Variants in KIFC3 observed in about 807,000 individuals in gnomAD.
KIFC3 encodes the protein kinesin family member C3.
KIFC3 carries 60 observed loss-of-function variants against 101.8 expected under a neutral mutation model. The ratio of observed to expected loss-of-function variants is 0.59; its 90% CI spans 0.48 to 0.73. The LOEUF is 0.73. KIFC3 is among the 30% of genes least tolerant of loss of function. KIFC3 has a pLI of 0.00. For missense variants in KIFC3, 966 were observed against 1,137.1 expected (o/e 0.85, Z 2.16); for synonymous variants, 476 against 482.7 (o/e 0.99, Z 0.18).
At chr16:57,761,324 C>T (rs139562894) in intron 14 of KIFC3, 89 bp downstream of exon 14, 9 of 1,579,140 alleles carry the variant, frequency 5.7e-6, no homozygotes, top group Middle Eastern at 1.7e-4. Flanking sequence ...CCCAAGGGTG[C>T]GTGCTTAGGA....
At chr16:57,785,490 C>T (rs1555617144) in intron 3 of KIFC3, 2 of 1,288,184 alleles carry the variant, frequency 1.6e-6, no homozygotes, top group Non-Finnish European at 2.0e-6. Context: ...GTGGACGTGG[C>T]CTGCTGGTCA....
chr16:57,787,684 C>T (rs566852112), intron 3 of KIFC3, among the ~76,000 whole-genome samples: 4 of 152,244 alleles, frequency 2.6e-5, no homozygotes, highest in African/African-American at 7.2e-5. Context: ...CTCTTCTCAG[C>T]GCACAATCAG....
chr16:57,861,862 T>C (rs1269401018), intron 1 of KIFC3, among the ~76,000 whole-genome samples: 1 of 152,144 alleles, frequency 6.6e-6, no homozygotes, highest in African/African-American at 2.4e-5. Flanking sequence ...GGCACGAGAA[T>C]CACTTGAACC....
At chr16:57,781,854 C>T (rs2052773205) in intron 3 of KIFC3, 1 of 854,024 alleles carries the variant, frequency 1.2e-6, no homozygotes, top group African/African-American at 1.8e-5. Flanking sequence ...GTCACCTGAC[C>T]AGTAAGTGGT....
chr16:57,840,599 A>C (rs545803313), intron 1 of KIFC3, among the ~76,000 whole-genome samples: 1 of 152,048 alleles, frequency 6.6e-6, no homozygotes, highest in African/African-American at 2.4e-5. Context: ...CGTCTCTACT[A>C]AAAATACAAA....
chr16:57,845,731 T>G (rs877581), intron 1 of KIFC3, among the ~76,000 whole-genome samples: 35,004 of 152,168 alleles, frequency 0.23, 4,396 homozygotes, highest in South Asian at 0.33. Context: ...CTTACTCTGC[T>G]GTTGGATTGG....
intron 3 of KIFC3, chr16:57,785,771 A>G (rs1358902363): frequency 1.6e-6 from 1 of 627,968 alleles, no homozygotes; most frequent in Non-Finnish European, 2.2e-6. Flanking sequence ...TAGAGGTGCA[A>G]GCAGAGGGGG....
In KIFC3 at chr16:57,858,763, A is replaced by T. The variant is rs1482978453; in HGVS notation, c.108+3966T>A. 3.9e-5 allele frequency among the ~76,000 whole-genome samples: 6 copies of T among 152,150 alleles called. No individual in the cohort carries two copies. The South Asian group carries it at 1.2e-3, about 32-fold the overall frequency. The stretch of plus-strand genomic sequence containing the variant: ...GGAGGTCAAGACCAGCCTGGCCAAC[A>T]CGGTAAAACACTGTTTCTACTAAAA... On this transcript the variant is annotated intron_variant, in intron 1 of 2. Coordinates refer to the KIFC3 transcript ENST00000563028.
intron 1 of KIFC3, among the ~76,000 whole-genome samples, chr16:57,829,210 T>A (rs1288377959): frequency 6.6e-6 from 1 of 152,230 alleles, no homozygotes; most frequent in Non-Finnish European, 1.5e-5. Flanking sequence ...GAAAATCTAT[T>A]TTTATTTTTT....
intron 13 of KIFC3, 69 bp from the exon 14 acceptor site, chr16:57,761,605 C>T: frequency 6.4e-7 from 1 of 1,559,408 alleles, no homozygotes; most frequent in East Asian, 2.3e-5. Context: ...GCACCCAGCC[C>T]CCCAGCCAGG....
At chr16:57,774,732 G>A in intron 3 of KIFC3, 1 of 493,100 alleles carries the variant, frequency 2.0e-6, no homozygotes, top group Non-Finnish European at 3.3e-6. Flanking sequence ...TTGCCATTTT[G>A]CCCAAGCTGG....
chr16:57,775,565 G>A, intron 3 of KIFC3: 3 of 986,134 alleles, frequency 3.0e-6, no homozygotes, highest in Non-Finnish European at 3.6e-6. Context: ...TGGCCTGGGA[G>A]CAGTGAGAGC....
At chr16:57,781,909 C>G in intron 3 of KIFC3, 1 of 984,854 alleles carries the variant, frequency 1.0e-6, no homozygotes. Flanking sequence ...TTGCAGAACC[C>G]TCACCCTTAA....
Position 57,765,613 on chromosome 16 carries a change from C to G in KIFC3, c.1358G>C (p.Arg453Pro), listed in dbSNP as rs1302410947. The G allele has an allele frequency of 1.2e-6, 2 of 1,611,780 alleles. No individual in the cohort carries two copies. Among genetic ancestry groups the G allele is most frequent in the Non-Finnish European group, 1.7e-6 (2 of 1,179,054 alleles). The change falls in exon 11 of 20, where the codon CGG becomes CCG. Residue 453 changes from arginine (R) to proline (P), a missense_variant. Transcript: ENST00000445690. ...KGNIRVIARV[R>P]PVTKEDGEGP... ...TTCCCCATCCTCTTTGGTGACTGGC[C>G]GGACACGAGCAATCACTCGGATGTT...
intron 3 of KIFC3, among the ~76,000 whole-genome samples, chr16:57,786,409 G>A (rs1462283243): frequency 2.0e-5 from 3 of 152,162 alleles, no homozygotes; most frequent in African/African-American, 4.8e-5. Context: ...ATCAGGGCCC[G>A]TGACCTGTGC....
At chr16:57,814,420 A>T (rs1043476533) in intron 1 of KIFC3, among the ~76,000 whole-genome samples, 1 of 152,088 alleles carries the variant, frequency 6.6e-6, no homozygotes, top group Non-Finnish European at 1.5e-5. Context: ...ATGCTGTGTG[A>T]CTTAGGGTAA....
In KIFC3 at chr16:57,769,158, C is replaced by T. The variant is rs948435121; in HGVS notation, c.1218+437G>A. ...AAGTGATTCTCCTGCCTCAGCCTCC[C>T]GAGTAGCTGGAATTAACAGGCACCT... On this transcript the variant is annotated intron_variant, in intron 9 of 19. Coordinates refer to ENST00000445690, the MANE Select transcript of KIFC3 (RefSeq NM_001130100.2). This position sits in a 1 kb window ranked among gnomAD's most constrained non-coding sequence, Gnocchi z 4.3. 1.3e-5 allele frequency among the ~76,000 whole-genome samples: 2 copies of T among 152,246 alleles called. No individual in the cohort carries two copies. The highest frequency in any genetic ancestry group is 2.1e-4 in the South Asian group (1 of 4,816).
At chr16:57,810,593 G>C in intron 1 of KIFC3, 1 of 919,588 alleles carries the variant, frequency 1.1e-6, no homozygotes, top group Non-Finnish European at 1.3e-6. Flanking sequence ...CACCTTCCAA[G>C]GGAGGGGAGG....
chr16:57,824,024 C>T (rs1192837290), intron 1 of KIFC3, among the ~76,000 whole-genome samples: 1 of 152,216 alleles, frequency 6.6e-6, no homozygotes, highest in Non-Finnish European at 1.5e-5. Context: ...GGTTCCTGCC[C>T]TTGCAGAGTC....
Sources: allele counts gnomAD v4.1 joint callset (sites outside exome capture counted in the v4.1 genomes callset), GRCh38; gene constraint gnomAD v4.1.1; non-coding constraint Gnocchi (gnomAD v3.1); transcripts MANE v1.5; gene names NCBI Gene and HGNC (gene_info 2026-07-23, HGNC 2026-07-21).